PTPRN2: variants seen among roughly 807,000 people sequenced by gnomAD.
PTPRN2 encodes receptor-type tyrosine-protein phosphatase N2.
A neutral mutation model predicts 118.8 loss-of-function variants in PTPRN2; 74 were observed. The ratio of observed to expected loss-of-function variants is 0.62; its 90% CI spans 0.52 to 0.76. The LOEUF (loss-of-function observed/expected upper bound fraction) is 0.76, where lower values mean the gene tolerates loss of function less well. PTPRN2 is among the 30% of genes least tolerant of loss of function. The probability of loss-of-function intolerance (pLI) is 0.00; values close to 1 mark genes in which losing one functional copy is unlikely to be tolerated. For missense variants in PTPRN2, 1,481 were observed against 1,394.4 expected, an observed-to-expected ratio of 1.06 and a Z score of -0.99; for synonymous variants, 641 against 608.0, an observed-to-expected ratio of 1.05 and a Z score of -0.80.
At chr7:158,468,032 T>A (rs1670357) in intron 2 of PTPRN2, among the ~76,000 whole-genome samples, 1 of 152,096 alleles carries the variant, frequency 6.6e-6, no homozygotes, top group Admixed American at 6.5e-5. Context: ...AAATCTCCCG[T>A]AAATTATAAC....
chr7:157,707,703 C>A (rs946601149), intron 12 of PTPRN2, among the ~76,000 whole-genome samples: 1 of 152,132 alleles, frequency 6.6e-6, no homozygotes, highest in Non-Finnish European at 1.5e-5. Context: ...CCTGCCTCAG[C>A]CTCCCATAAT....
chr7:157,797,542 G>A (rs1481509039), intron 12 of PTPRN2, among the ~76,000 whole-genome samples: 1 of 152,190 alleles, frequency 6.6e-6, no homozygotes, highest in East Asian at 1.9e-4. Flanking sequence ...GGTCACACAG[G>A]CAAAGACTGT....
intron 1 of PTPRN2, among the ~76,000 whole-genome samples, chr7:158,537,133 C>A (rs1825692800): frequency 6.6e-6 from 1 of 152,188 alleles, no homozygotes; most frequent in South Asian, 2.1e-4. Flanking sequence ...CGCTCCCAGA[C>A]ACCAAGTCTG....
chr7:158,008,435 TG>T (rs1363241990), intron 11 of PTPRN2, among the ~76,000 whole-genome samples: 3 of 152,256 alleles, frequency 2.0e-5, no homozygotes, highest in African/African-American at 7.2e-5. Context: ...AACTCAGTTC[TG>T]TCCTTCCTCA....
chr7:157,639,681 C>CT (rs1363514330), intron 14 of PTPRN2, among the ~76,000 whole-genome samples: 2 of 152,236 alleles, frequency 1.3e-5, no homozygotes, highest in African/African-American at 4.8e-5. Context: ...AAATCAGGGT[C>CT]TTGGACTTTG....
rs1441553929 is a variant in PTPRN2, at chr7:157,815,861, C to T, written c.1788+82812G>A. The stretch of plus-strand genomic sequence containing the variant: ...TGTGCACACTCTGCACACGCTCAGG[C>T]GGTGACACGTTGCAGACATCGCTGT... On this transcript the variant is annotated intron_variant, in intron 12 of 22. Transcript: ENST00000389418. 2.6e-5 allele frequency among the ~76,000 whole-genome samples: 4 copies of T among 152,334 alleles called. No homozygotes were observed. The South Asian group carries it at 8.3e-4, about 32-fold the overall frequency.
At chr7:157,982,768 C>T in intron 11 of PTPRN2, among the ~76,000 whole-genome samples, 1 of 113,804 alleles carries the variant, frequency 8.8e-6, no homozygotes, top group Admixed American at 8.7e-5. Context: ...GTGCAGGGTC[C>T]CCCCCAAACC....
chr7:157,675,117 A>G (rs1796602572), intron 13 of PTPRN2, among the ~76,000 whole-genome samples: 1 of 152,010 alleles, frequency 6.6e-6, no homozygotes, highest in Admixed American at 6.6e-5. Flanking sequence ...TCCCAGTTTA[A>G]TCCACTTTTT....
intron 12 of PTPRN2, among the ~76,000 whole-genome samples, chr7:157,692,838 C>A (rs560682724): frequency 2.6e-5 from 4 of 152,244 alleles, no homozygotes; most frequent in South Asian, 4.1e-4. Flanking sequence ...GCAAAAACCC[C>A]CGCACCCTGG....
chr7:157,988,509 G>A (rs960021855), intron 11 of PTPRN2, among the ~76,000 whole-genome samples: 2 of 152,180 alleles, frequency 1.3e-5, no homozygotes, highest in Admixed American at 6.5e-5. Flanking sequence ...CACACCAAAC[G>A]CATTCCCGGG....
At chr7:158,310,237 G>A (rs1433214180) in intron 3 of PTPRN2, among the ~76,000 whole-genome samples, 1 of 152,240 alleles carries the variant, frequency 6.6e-6, no homozygotes, top group Non-Finnish European at 1.5e-5. Context: ...TGAGGTGTGT[G>A]CTGGAACAAG....
At chr7:158,393,788 G>T (rs1032754920) in intron 2 of PTPRN2, among the ~76,000 whole-genome samples, 1 of 152,074 alleles carries the variant, frequency 6.6e-6, no homozygotes, top group African/African-American at 2.4e-5. Context: ...AGCCCACACC[G>T]TCTTCATGAT....
intron 6 of PTPRN2, among the ~76,000 whole-genome samples, chr7:158,165,846 G>A (rs887754276): frequency 2.0e-5 from 3 of 152,164 alleles, no homozygotes; most frequent in East Asian, 1.9e-4. Flanking sequence ...CCGCCCTGAC[G>A]TGGCTTAACT....
rs965038877 is a variant in PTPRN2, at chr7:157,763,620, G to C, written c.1789-80683C>G. ...AGGCCACGCCCCTAACCTGACTGCA[G>C]ATTAAATTCTTCTGGAAATCTTAGC... On this transcript the variant is annotated intron_variant, in intron 12 of 22. Transcript: ENST00000389418. This position sits in a 1 kb window ranked among gnomAD's most constrained non-coding sequence, Gnocchi z 4.9. 6.6e-6 allele frequency among the ~76,000 whole-genome samples: 1 copy of C among 152,080 alleles called. No individual in the cohort carries two copies. Among genetic ancestry groups the C allele is most frequent in the Non-Finnish European group, 1.5e-5 (1 of 68,022 alleles).
intron 2 of PTPRN2, among the ~76,000 whole-genome samples, chr7:158,464,032 C>T (rs1306302930): frequency 2.0e-5 from 1 of 49,790 alleles, no homozygotes; most frequent in African/African-American, 7.2e-5. Flanking sequence ...TCCTTACCAT[C>T]GCCATCATTG....
chr7:157,628,377 G>A (rs1803724866), intron 14 of PTPRN2, among the ~76,000 whole-genome samples: 1 of 152,226 alleles, frequency 6.6e-6, no homozygotes, highest in Non-Finnish European at 1.5e-5. Context: ...GTCTGTTAAC[G>A]ATTGCAAGAG....
intron 3 of PTPRN2, among the ~76,000 whole-genome samples, chr7:158,279,674 A>T (rs545410338): frequency 6.6e-6 from 1 of 151,958 alleles, no homozygotes; most frequent in Non-Finnish European, 1.5e-5. Context: ...GCGCCGGCCC[A>T]CAAGCCCCGT....
intron 11 of PTPRN2, among the ~76,000 whole-genome samples, chr7:157,904,883 T>C (rs1326299973): frequency 6.6e-6 from 1 of 151,692 alleles, no homozygotes; most frequent in African/African-American, 2.4e-5. Flanking sequence ...TTGCTTCAGA[T>C]TTTTTTTTAA....
chr7:158,054,931 T>C, intron 11 of PTPRN2, among the ~76,000 whole-genome samples: 1 of 152,224 alleles, frequency 6.6e-6, no homozygotes, highest in South Asian at 2.1e-4. Context: ...AGGTGGCCCC[T>C]GCCTGCTCCC....
Sources: allele counts gnomAD v4.1 joint callset (sites outside exome capture counted in the v4.1 genomes callset), GRCh38; gene constraint gnomAD v4.1.1; non-coding constraint Gnocchi (gnomAD v3.1); transcripts MANE v1.5; gene names NCBI Gene and HGNC (gene_info 2026-07-23, HGNC 2026-07-21).